Variants in PPP1R16A observed in about 807,000 individuals in gnomAD.
PPP1R16A encodes the protein protein phosphatase 1 regulatory subunit 16A.
PPP1R16A carries 39 observed loss-of-function variants against 46.6 expected under a neutral mutation model. The ratio of observed to expected loss-of-function variants is 0.84; its 90% CI spans 0.65 to 1.09. PPP1R16A has a LOEUF of 1.09. PPP1R16A is among the 50% of genes least tolerant of loss of function. The pLI, the probability that PPP1R16A is intolerant of heterozygous loss-of-function variation, is 0.00. For synonymous variants in PPP1R16A, 413 were observed against 321.5 expected (o/e 1.28, Z -3.04); for missense variants, 798 against 735.6 (o/e 1.08, Z -0.98).
chr8:144,489,806 C>T (rs1022451596), intron 1 of PPP1R16A, among the ~76,000 whole-genome samples: 1 of 152,246 alleles, frequency 6.6e-6, no homozygotes, highest in Admixed American at 6.5e-5. Flanking sequence ...GCCTCTCCAG[C>T]AGCCACCAAC....
intron 11 of PPP1R16A, 53 bp downstream of exon 11, chr8:144,501,347 C>T: frequency 6.6e-7 from 1 of 1,522,426 alleles, no homozygotes. Flanking sequence ...TGGCTCTGCC[C>T]TGGTTCTCTC....
At position 144,496,907 on chromosome 8, in the gene PPP1R16A, C is replaced by T. The variant is rs930484161; in HGVS notation, c.-288C>T. 4.6e-5 allele frequency: 25 copies of T among 546,952 alleles called. No individual in the cohort carries two copies. The highest frequency in any genetic ancestry group is 2.8e-4 in the African/African-American group (15 of 52,784). 33.9% of individuals were successfully genotyped at this position (546,952 alleles called of 1,614,324 possible). A position where few individuals can be genotyped will look rare whatever the true frequency, so the allele number is the denominator to read the frequency against. ...TCCCATAGGTTGTGCACCCTGACCC[C>T]GAGAGGGAGGCGAGGCGCTGCTTGT... On this transcript the variant is annotated 5_prime_UTR_variant, in exon 3 of 12. Transcript: ENST00000435887.
At position 144,496,777 on chromosome 8, in the gene PPP1R16A, C is replaced by T; in HGVS notation, c.-418C>T. The T allele has an allele frequency of 3.8e-6, 1 of 265,780 alleles. No individual in the cohort carries two copies. The highest frequency in any genetic ancestry group is 4.6e-5 in the South Asian group (1 of 21,830). 16.5% of individuals were successfully genotyped at this position (265,780 alleles called of 1,614,324 possible). On this transcript the variant is annotated 5_prime_UTR_variant, in exon 3 of 12. Coordinates refer to ENST00000435887, the MANE Select transcript of PPP1R16A (RefSeq NM_001329443.2). ...CAGGGGCTCTCACTGCTGGTTGGCCCTGCCCTCCCTTCCCCCTCAGCAGGG... is the reference window on the plus strand; with the variant it reads ...CAGGGGCTCTCACTGCTGGTTGGCCTTGCCCTCCCTTCCCCCTCAGCAGGG...
At position 144,500,082 on chromosome 8, in the gene PPP1R16A, C is replaced by G; in HGVS notation, c.477-14C>G. ...AGGGCCTTGTGCCCAGCACCCCGTC[C>G]GTCTTCCCTGCAGTGGCGCCAATCT... On this transcript the variant is annotated splice_polypyrimidine_tract_variant and intron_variant, in intron 5 of 11. Coordinates refer to ENST00000435887, the MANE Select transcript of PPP1R16A (RefSeq NM_001329443.2). 6.3e-7 allele frequency: 1 copy of G among 1,598,688 alleles called. No homozygotes were observed. Among genetic ancestry groups the G allele is most frequent in the Non-Finnish European group, 8.5e-7 (1 of 1,172,998 alleles).
In PPP1R16A at chr8:144,500,876, G is replaced by A. The variant is rs1197542354; in HGVS notation, c.942G>A (p.Leu314=). The stretch of plus-strand genomic sequence containing the variant: ...GGGACGAGGAGGTGCGGGCCAAGCT[G>A]CTGGAGCTGAAGCACAAGCACGACG... ...VCGDEEVRAK[L]LELKHKHDAL... is the part of the protein sequence containing the mutation. The change falls in exon 10 of 12, where the codon CTG becomes CTA. Residue 314 remains leucine, a synonymous_variant. Transcript: ENST00000435887. The A allele has an allele frequency of 6.4e-7, 1 of 1,560,980 alleles. No individual in the cohort carries two copies. Among genetic ancestry groups the A allele is most frequent in the South Asian group, 1.2e-5 (1 of 85,360 alleles).
intron 2 of PPP1R16A, among the ~76,000 whole-genome samples, chr8:144,492,106 G>T (rs1056375309): frequency 6.6e-6 from 1 of 152,196 alleles, no homozygotes; most frequent in African/African-American, 2.4e-5. Context: ...CGGAGGGCAG[G>T]TGGTGTGGGG....
intron 5 of PPP1R16A, chr8:144,499,873 G>A (rs1826320504): frequency 3.6e-6 from 2 of 549,208 alleles, no homozygotes; most frequent in Non-Finnish European, 6.5e-6. Context: ...CCAGGAACCT[G>A]GATCCCTGGA....
At chr8:144,500,656 CA>C in intron 8 of PPP1R16A, 29 bp from the exon 9 acceptor site, 1 of 1,607,058 alleles carries the variant, frequency 6.2e-7, no homozygotes, top group Non-Finnish European at 8.5e-7. Context: ...TCCAGCGCAG[CA>C]GTCTGCAGCT....
intron 1 of PPP1R16A, among the ~76,000 whole-genome samples, chr8:144,486,735 G>A (rs145516625): frequency 1.2e-3 from 183 of 152,186 alleles, no homozygotes; most frequent in Non-Finnish European, 2.3e-3. Context: ...TTTGAGACTC[G>A]TGTGTTCTTG....
intron 2 of PPP1R16A, among the ~76,000 whole-genome samples, chr8:144,492,717 C>T (rs936382109): frequency 1.3e-5 from 2 of 152,110 alleles, no homozygotes; most frequent in South Asian, 2.1e-4. Context: ...AGCAGGTCCC[C>T]GGCCTTTCGC....
Position 144,497,037 on chromosome 8 carries a change from GT to G in PPP1R16A, c.-157del. Reference sequence around the variant, plus strand: ...AGGGCTGCCTGGGCCTGGTTATTGTGTGGGGCCTCCTGACCCAGCCAAGGGC... The same window carrying G: ...AGGGCTGCCTGGGCCTGGTTATTGTGGGGGCCTCCTGACCCAGCCAAGGGC... On this transcript the variant is annotated 5_prime_UTR_variant, in exon 3 of 12. The change abolishes the stop of an existing upstream ORF in the 5' untranslated region. Transcript: ENST00000435887. 1.0e-6 allele frequency: 1 copy of G among 971,964 alleles called. No homozygotes were observed. The highest frequency in any genetic ancestry group is 1.5e-6 in the Non-Finnish European group (1 of 660,778). 60.2% of individuals were successfully genotyped at this position (971,964 alleles called of 1,614,324 possible). A position where few individuals can be genotyped will look rare whatever the true frequency, so the allele number is the denominator to read the frequency against.
At position 144,496,664 on chromosome 8, in the gene PPP1R16A, G is replaced by C. The variant is rs557007635; in HGVS notation, c.-531G>C. On this transcript the variant is annotated 5_prime_UTR_variant, in exon 3 of 12. Coordinates refer to ENST00000435887, the MANE Select transcript of PPP1R16A (RefSeq NM_001329443.2). ...TGCACTGACCTCGGCACACAGCTGG[G>C]AGGGGTTGGGGGCTGGGTCATGGCT... 1.5e-3 allele frequency: 285 copies of C among 194,226 alleles called. 1 individual carries two copies. Among genetic ancestry groups the C allele is most frequent in the South Asian group, 9.4e-3 (93 of 9,928 alleles). 12.0% of individuals were successfully genotyped at this position (194,226 alleles called of 1,614,324 possible).
intron 1 of PPP1R16A, among the ~76,000 whole-genome samples, chr8:144,489,262 A>C (rs1486417402): frequency 5.5e-5 from 1 of 18,028 alleles, no homozygotes; most frequent in Non-Finnish European, 9.9e-5. Context: ...GGGGGGTTGG[A>C]CTGGGAGGGG....
Position 144,502,016 on chromosome 8 carries a change from C to A in PPP1R16A, c.*113C>A, listed in dbSNP as rs995213538. 8 of 1,091,788 alleles carry A rather than the reference C, an allele frequency of 7.3e-6. No homozygotes were observed. In the African/African-American group the frequency reaches 1.3e-4, roughly 17 times the overall value. The allele number at this position is 1,091,788 out of a possible 1,614,324, so 67.6% of individuals were successfully genotyped here. ...CACGGAAACCCCGGCTTCTACTGTA[C>A]AGGACACTGGCCCCTCTCAGGTCAG... On this transcript the variant is annotated 3_prime_UTR_variant, in exon 12 of 12. Coordinates refer to ENST00000435887, the MANE Select transcript of PPP1R16A (RefSeq NM_001329443.2).
intron 1 of PPP1R16A, among the ~76,000 whole-genome samples, chr8:144,485,211 T>C (rs1670150264): frequency 6.7e-4 from 3 of 4,448 alleles, no homozygotes; most frequent in East Asian, 3.4e-3. Context: ...GAATAGAATC[T>C]CAAAAAAAAA....
Position 144,501,609 on chromosome 8 carries a change from T to A in PPP1R16A, c.1293T>A (p.Ser431Arg). 1 of 1,608,992 alleles carries A rather than the reference T, an allele frequency of 6.2e-7. No individual in the cohort carries two copies. Among genetic ancestry groups the A allele is most frequent in the Non-Finnish European group, 8.5e-7 (1 of 1,178,304 alleles). Residue 431 changes from serine to arginine, a missense_variant, in exon 12 of 12, where the codon AGT becomes AGA. Physicochemically the swap from Ser to Arg is moderately radical, Grantham distance 110. Transcript: ENST00000435887. Reference protein sequence around the residue: ...RHLYSKRLDRSVSYQLSPLDS... With the variant: ...RHLYSKRLDRRVSYQLSPLDS... ...TATACTCCAAGCGACTAGACCGGAG[T>A]GTCTCCTACCAGCTGAGCCCCCTGG...
rs1377214161 is a variant in PPP1R16A, at chr8:144,500,973, T to G, written c.1037+2T>G. The G allele has an allele frequency of 6.9e-7, 1 of 1,456,774 alleles. No individual in the cohort carries two copies. The allele number at this position is 1,456,774 out of a possible 1,614,324, so 90.2% of individuals were successfully genotyped here. On this transcript the variant is annotated splice_donor_variant, in intron 10 of 11. Transcript: ENST00000435887. LOFTEE classifies it high-confidence loss of function. ...CACCTCCAGCGCCGGCAGCCGCGGG[T>G]GAGCGCCGCCCCCAGCAGGCCCCGC...
Position 144,501,111 on chromosome 8 carries a change from C to G in PPP1R16A, c.1038-18C>G. On this transcript the variant is annotated intron_variant, in intron 10 of 11. Transcript: ENST00000435887. ...GGCACTCCCCTTCCCCTCACTCCCT[C>G]TCCTCTCTCCTCCCCAGGAAGGTGG... 6.2e-7 allele frequency: 1 copy of G among 1,609,244 alleles called. No homozygotes were observed. The highest frequency in any genetic ancestry group is 8.5e-7 in the Non-Finnish European group (1 of 1,179,288).
rs559264971 is a variant in PPP1R16A at position 144,501,578 on chromosome 8, G to A, written c.1262G>A (p.Arg421Gln). 7 of 1,599,870 alleles carry A rather than the reference G, an allele frequency of 4.4e-6. No homozygotes were observed. The highest frequency in any genetic ancestry group is 2.7e-5 in the African/African-American group (2 of 74,550). Reference sequence around the variant, plus strand: ...GGCCGAGTAGGGGGCTCCCCAGTGCGGCATCTATACTCCAAGCGACTAGAC... The same window carrying A: ...GGCCGAGTAGGGGGCTCCCCAGTGCAGCATCTATACTCCAAGCGACTAGAC... ...HNGRVGGSPVRHLYSKRLDRS... is the reference protein window; with the variant it reads ...HNGRVGGSPVQHLYSKRLDRS... Residue 421 changes from arginine (R) to glutamine (Q), a missense_variant, in exon 12 of 12, where the codon CGG becomes CAG. Transcript: ENST00000435887.
Sources: gnomAD v4.1 joint callset for allele counts (sites outside exome capture counted in the v4.1 genomes callset) on GRCh38, gnomAD v4.1.1 for gene constraint, MANE v1.5 for transcripts, NCBI Gene and HGNC (gene_info 2026-07-23, HGNC 2026-07-21) for gene names.